CNEP1R1: variants seen among roughly 807,000 people sequenced by gnomAD.
CNEP1R1 encodes the protein nuclear envelope phosphatase-regulatory subunit 1.
CNEP1R1 carries 10 observed loss-of-function variants against 22.7 expected under a neutral mutation model. That is an observed-to-expected ratio of 0.44 (90% CI 0.27 to 0.75). The LOEUF (loss-of-function observed/expected upper bound fraction) is 0.75, where lower values mean the gene tolerates loss of function less well. CNEP1R1 is among the 30% of genes least tolerant of loss of function. The pLI, the probability that CNEP1R1 is intolerant of heterozygous loss-of-function variation, is 0.17. For missense variants in CNEP1R1, 73 were observed against 151.5 expected, an observed-to-expected ratio of 0.48 and a Z score of 2.72; for synonymous variants, 53 against 50.1, an observed-to-expected ratio of 1.06 and a Z score of -0.25.
chr16:50,034,154 G>A lies in CNEP1R1; in HGVS notation c.334G>A (p.Asp112Asn). Residue 112 changes from aspartate (D) to asparagine (N), a missense_variant and splice_region_variant, in exon 5 of 6, where the codon GAT (aspartate) becomes AAT (asparagine). Physicochemically the swap from Asp to Asn is conservative, Grantham distance 23. Coordinates refer to ENST00000427478, the MANE Select transcript of CNEP1R1 (RefSeq NM_001281789.2). ...AGCAGAATACAATATGTCTTGTGAT[G>A]ATGTAAGTATTTTTTTGGTTAGAAA... Reference protein sequence around the residue: ...VLAEYNMSCDDTGKLILKPRP... With the variant: ...VLAEYNMSCDNTGKLILKPRP... 6.3e-7 allele frequency: 1 copy of A among 1,577,198 alleles called. No homozygotes were observed. Among genetic ancestry groups the A allele is most frequent in the Non-Finnish European group, 8.6e-7 (1 of 1,159,254 alleles).
rs1015400295 is a variant in CNEP1R1, at chr16:50,025,254, C to T, written c.-62C>T. On this transcript the variant is annotated 5_prime_UTR_variant, in exon 1 of 6. Transcript: ENST00000427478. ...GTGGGAGTTGGCGCTGCGGGCCGGG[C>T]GGGGGCCGCGGAAGCTGCGATGCGG... is the stretch of plus-strand genomic sequence containing the variant. 1.5e-5 allele frequency: 20 copies of T among 1,378,342 alleles called. No individual in the cohort carries two copies. Among genetic ancestry groups the T allele is most frequent in the Non-Finnish European group, 1.8e-5 (19 of 1,069,930 alleles). 85.4% of individuals were successfully genotyped at this position (1,378,342 alleles called of 1,614,324 possible).
intron 1 of CNEP1R1, chr16:50,025,582 C>G: frequency 1.4e-6 from 2 of 1,456,534 alleles, no homozygotes; most frequent in East Asian, 2.3e-5. Flanking sequence ...TTTTTATTTT[C>G]TTTTCACTGG....
chr16:50,025,480 T>TA, intron 1 of CNEP1R1, 140 bp downstream of exon 1: 1 of 1,133,232 alleles, frequency 8.8e-7, no homozygotes, highest in Non-Finnish European at 1.2e-6. Context: ...TGGGGGCGCG[T>TA]AGGCGGCCGT....
intron 1 of CNEP1R1, chr16:50,025,582 C>A: frequency 6.9e-7 from 1 of 1,456,530 alleles, no homozygotes; most frequent in Non-Finnish European, 9.6e-7. Context: ...TTTTTATTTT[C>A]TTTTCACTGG....
chr16:50,025,488 C>A, intron 1 of CNEP1R1, 148 bp downstream of exon 1: 5 of 1,104,748 alleles, frequency 4.5e-6, no homozygotes, highest in Non-Finnish European at 6.4e-6. Context: ...CGTAGGCGGC[C>A]GTACCTGGCC....
At chr16:50,035,279 C>T (rs1421701249) in intron 5 of CNEP1R1, 138 bp from the exon 6 acceptor site, 1 of 549,554 alleles carries the variant, frequency 1.8e-6, no homozygotes, top group African/African-American at 1.9e-5. Context: ...GCTCTGAAAG[C>T]ATAACTATTA....
Position 50,026,482 on chromosome 16 carries a change from G to A in CNEP1R1, c.97+15G>A, listed in dbSNP as rs772887076. On this transcript the variant is annotated intron_variant, in intron 2 of 5. Transcript: ENST00000427478. Reference sequence around the variant, plus strand: ...ACGCTGGAGAAGTAAGTTCCTGAATGTTATTTTAAGGGAAAACTAACAATT... The same window carrying A: ...ACGCTGGAGAAGTAAGTTCCTGAATATTATTTTAAGGGAAAACTAACAATT... 45 of 1,577,036 alleles carry A rather than the reference G, an allele frequency of 2.9e-5. No individual in the cohort carries two copies. Among genetic ancestry groups the A allele is most frequent in the Non-Finnish European group, 3.8e-5 (44 of 1,151,616 alleles).
chr16:50,033,898 T>G (rs1272289120), intron 4 of CNEP1R1, among the ~76,000 whole-genome samples: 1 of 148,548 alleles, frequency 6.7e-6, no homozygotes, highest in African/African-American at 2.5e-5. Flanking sequence ...TGTGTTTTTT[T>G]TTTGAGACAG....
intron 3 of CNEP1R1, 142 bp from the exon 4 acceptor site, chr16:50,033,255 G>A (rs947312566): frequency 2.3e-6 from 1 of 431,446 alleles, no homozygotes; most frequent in Non-Finnish European, 4.1e-6. Context: ...GCAATACAGA[G>A]AACTAAGATT....
rs1491414859 is a variant in CNEP1R1, at chr16:50,035,822, A to AT, written c.*364_*365insT. ...TAGCAAATCAATGCCAATGTTAAACAAAGAGGAAAACGTTGTGTGGACTTT... is the reference window on the plus strand; with the variant it reads ...TAGCAAATCAATGCCAATGTTAAACATAAGAGGAAAACGTTGTGTGGACTTT... On this transcript the variant is annotated 3_prime_UTR_variant, in exon 6 of 6. Coordinates refer to ENST00000427478, the MANE Select transcript of CNEP1R1 (RefSeq NM_001281789.2). The AT allele has an allele frequency of 1.1e-5, 2 of 174,256 alleles. No individual in the cohort carries two copies. Among genetic ancestry groups the AT allele is most frequent in the African/African-American group, 4.7e-5 (2 of 42,254 alleles). The allele number at this position is 174,256 out of a possible 1,614,324, so 10.8% of individuals were successfully genotyped here.
At chr16:50,029,490 A>G (rs944209119) in intron 2 of CNEP1R1, among the ~76,000 whole-genome samples, 1 of 152,224 alleles carries the variant, frequency 6.6e-6, no homozygotes, top group Non-Finnish European at 1.5e-5. Flanking sequence ...ATTGATCATC[A>G]TAAGTTCTGA....
chr16:50,025,477 G>C, intron 1 of CNEP1R1, 137 bp downstream of exon 1: 1 of 1,146,306 alleles, frequency 8.7e-7, no homozygotes, highest in Non-Finnish European at 1.2e-6. Flanking sequence ...GCTTGGGGGC[G>C]CGTAGGCGGC....
rs12709076 is a variant in CNEP1R1, at chr16:50,036,263, T to C, written c.*805T>C. 1 allele frequency: 151,836 copies of C among 151,856 alleles called. 75,908 individuals carry two copies. Among genetic ancestry groups the C allele is most frequent in the Non-Finnish European group, 1 (68,038 of 68,038 alleles). The allele number at this position is 151,856 out of a possible 1,614,324, so 9.4% of individuals were successfully genotyped here. A position where few individuals can be genotyped will look rare whatever the true frequency, so the allele number is the denominator to read the frequency against. On this transcript the variant is annotated 3_prime_UTR_variant, in exon 6 of 6. Coordinates refer to ENST00000427478, the MANE Select transcript of CNEP1R1 (RefSeq NM_001281789.2). ...AAGCGATTCTCCTGCTTCAGCCTTC[T>C]GAGTAGCTGGGACTACAGGCGCATG... is the stretch of plus-strand genomic sequence containing the variant.
At chr16:50,029,194 A>G (rs945957852) in intron 2 of CNEP1R1, among the ~76,000 whole-genome samples, 10 of 152,146 alleles carry the variant, frequency 6.6e-5, no homozygotes, top group African/African-American at 2.4e-4. Flanking sequence ...TTTCTACCCT[A>G]CCTTTCTTTA....
At chr16:50,030,712 C>T (rs1448161099) in intron 3 of CNEP1R1, among the ~76,000 whole-genome samples, 1 of 152,208 alleles carries the variant, frequency 6.6e-6, no homozygotes, top group Non-Finnish European at 1.5e-5. Context: ...TCTGAGTTAC[C>T]TAATCAGTGA....
chr16:50,034,956 G>C (rs2036262910), intron 5 of CNEP1R1, among the ~76,000 whole-genome samples: 1 of 152,162 alleles, frequency 6.6e-6, no homozygotes. Flanking sequence ...TCACAATTTT[G>C]ATAGGTAGCT....
At chr16:50,033,585 C>G (rs772143821) in intron 4 of CNEP1R1, 79 bp downstream of exon 4, 5 of 754,138 alleles carry the variant, frequency 6.6e-6, no homozygotes, top group Non-Finnish European at 1.1e-5. Context: ...TTACTCTTGC[C>G]GGGCGTGGTG....
At chr16:50,026,808 C>G (rs1418718326) in intron 2 of CNEP1R1, 1 of 194,782 alleles carries the variant, frequency 5.1e-6, no homozygotes, top group Non-Finnish European at 1.1e-5. Context: ...AACGCCGTCT[C>G]TACTAAAAAT....
intron 1 of CNEP1R1, chr16:50,025,685 T>G (rs1398832217): frequency 1.2e-6 from 2 of 1,613,984 alleles, no homozygotes; most frequent in Non-Finnish European, 1.7e-6. Flanking sequence ...CTGCGGTGGT[T>G]TCCGGTAACT....
Sources: gnomAD v4.1 joint callset for allele counts (sites outside exome capture counted in the v4.1 genomes callset) on GRCh38, gnomAD v4.1.1 for gene constraint, MANE v1.5 for transcripts, NCBI Gene and HGNC (gene_info 2026-07-23, HGNC 2026-07-21) for gene names.